SHISA6: variants seen among roughly 807,000 people sequenced by gnomAD.
The protein encoded by SHISA6 is shisa family member 6.
Under a neutral mutation model 47.9 loss-of-function variants are expected in SHISA6, and 22 were observed. The ratio of observed to expected loss-of-function variants is 0.46; its 90% confidence interval spans 0.33 to 0.66. SHISA6 has a LOEUF of 0.66. Among genes scored for constraint, SHISA6 ranks in the 30% least tolerant of loss-of-function variants. The pLI, the probability that SHISA6 is intolerant of heterozygous loss-of-function variation, is 0.02. For synonymous variants in SHISA6, 388 were observed against 337.8 expected (o/e 1.15, Z -1.63); for missense variants, 680 against 764.6 (o/e 0.89, Z 1.30).
intron 3 of SHISA6, among the ~76,000 whole-genome samples, chr17:11,385,293 A>G (rs1250058449): frequency 3.3e-5 from 5 of 152,128 alleles, no homozygotes; most frequent in Non-Finnish European, 7.4e-5. Flanking sequence ...TGCTTTGCCT[A>G]CCTGGCTTGT....
chr17:11,544,104 A>T (rs2071859822), intron 3 of SHISA6, among the ~76,000 whole-genome samples: 1 of 152,032 alleles, frequency 6.6e-6, no homozygotes, highest in African/African-American at 2.4e-5. Flanking sequence ...TAAAATATAA[A>T]ACTATAAAGC....
intron 2 of SHISA6, among the ~76,000 whole-genome samples, chr17:11,317,491 A>AATAT (rs34674733): frequency 6.6e-6 from 1 of 151,692 alleles, no homozygotes. Flanking sequence ...TTGTTTATAG[A>AATAT]ATATATATAC....
intron 3 of SHISA6, among the ~76,000 whole-genome samples, chr17:11,398,938 TC>T (rs918501100): frequency 8.1e-4 from 118 of 146,418 alleles, no homozygotes; most frequent in African/African-American, 3.0e-3. Flanking sequence ...TTTCACCTCT[TC>T]TATCTTCTAC....
At chr17:11,375,568 A>G (rs2142241354) in intron 2 of SHISA6, among the ~76,000 whole-genome samples, 1 of 151,684 alleles carries the variant, frequency 6.6e-6, no homozygotes, top group South Asian at 2.1e-4. Context: ...TCCTTTCCTT[A>G]CAGCAAATCT....
chr17:11,474,690 G>A (rs1321224612), intron 3 of SHISA6, among the ~76,000 whole-genome samples: 10 of 152,110 alleles, frequency 6.6e-5, no homozygotes, highest in Admixed American at 6.6e-4. Context: ...ATACCACACA[G>A]GCTTAATTTG....
intron 1 of SHISA6, among the ~76,000 whole-genome samples, chr17:11,251,750 A>G (rs1482377737): frequency 1.3e-5 from 2 of 151,992 alleles, no homozygotes; most frequent in African/African-American, 4.8e-5. Flanking sequence ...TGTGCTTCGT[A>G]ATGACTCACG....
intron 3 of SHISA6, among the ~76,000 whole-genome samples, chr17:11,410,961 TA>T (rs1914097199): frequency 1.3e-5 from 2 of 152,146 alleles, no homozygotes; most frequent in African/African-American, 4.8e-5. Context: ...CTATTTTTTT[TA>T]TTTTTTTATT....
intron 2 of SHISA6, among the ~76,000 whole-genome samples, chr17:11,277,935 G>A (rs893247113): frequency 1.3e-5 from 2 of 150,486 alleles, no homozygotes; most frequent in Non-Finnish European, 2.9e-5. Context: ...ATTAACTAAT[G>A]TGGTTTTTCT....
chr17:11,445,773 C>G (rs142271803), intron 3 of SHISA6, among the ~76,000 whole-genome samples: 1 of 152,124 alleles, frequency 6.6e-6, no homozygotes, highest in African/African-American at 2.4e-5. Context: ...GCCCGGGGGC[C>G]GGGAGCAAGG....
chr17:11,276,546 ATCTC>A (rs1224196586), intron 2 of SHISA6, among the ~76,000 whole-genome samples: 1 of 152,008 alleles, frequency 6.6e-6, no homozygotes. Flanking sequence ...GCTTCTCTTT[ATCTC>A]TCTGTCTTCC....
intron 2 of SHISA6, among the ~76,000 whole-genome samples, chr17:11,268,299 T>C (rs1368510908): frequency 1.3e-5 from 2 of 152,126 alleles, no homozygotes; most frequent in Admixed American, 1.3e-4. Flanking sequence ...CTAAGCTTCA[T>C]GGAGACCCAG....
rs765443777 is a variant in SHISA6, at chr17:11,294,992, C to T, written c.799+31466C>T. Among the ~76,000 whole-genome samples the T allele has an allele frequency of 6.6e-5, 10 of 152,272 alleles. No individual in the cohort carries two copies. In the South Asian group the frequency reaches 1.7e-3, roughly 25 times the overall value. On this transcript the variant is annotated intron_variant, in intron 2 of 5. Coordinates refer to ENST00000441885, the MANE Select transcript of SHISA6 (RefSeq NM_207386.4). ...TTCAAGCCCGCACACTAGGATAGCGCGGCAGTCGATCTGATAACCAAGACA... is the reference window on the plus strand; with the variant it reads ...TTCAAGCCCGCACACTAGGATAGCGTGGCAGTCGATCTGATAACCAAGACA...
intron 2 of SHISA6, among the ~76,000 whole-genome samples, chr17:11,279,808 AGAGAAAGAGG>A (rs1480037817): frequency 2.5e-4 from 29 of 115,650 alleles, no homozygotes; most frequent in East Asian, 1.6e-3. Flanking sequence ...AAAAAGAGAG[AGAGAAAGAGG>A]GAGAGAGAGA....
chr17:11,404,445 C>CT (rs1913881178), intron 3 of SHISA6, among the ~76,000 whole-genome samples: 1 of 152,174 alleles, frequency 6.6e-6, no homozygotes, highest in South Asian at 2.1e-4. Flanking sequence ...CCAGCTCCCT[C>CT]TTAATGGAGA....
chr17:11,407,157 T>C (rs1913989916), intron 3 of SHISA6, among the ~76,000 whole-genome samples: 2 of 152,094 alleles, frequency 1.3e-5, no homozygotes, highest in South Asian at 4.2e-4. Context: ...ATATATTAAC[T>C]CATTTATACA....
intron 3 of SHISA6, among the ~76,000 whole-genome samples, chr17:11,398,106 A>T (rs1005414501): frequency 6.6e-6 from 1 of 151,810 alleles, no homozygotes; most frequent in South Asian, 2.1e-4. Flanking sequence ...CTCCTGCTTC[A>T]TGGTTAGTTT....
At chr17:11,338,698 G>A (rs1911411922) in intron 2 of SHISA6, among the ~76,000 whole-genome samples, 1 of 152,054 alleles carries the variant, frequency 6.6e-6, no homozygotes, top group Non-Finnish European at 1.5e-5. Context: ...TTACAGGCGT[G>A]AGCCACTACA....
rs189258868 is a variant in SHISA6 at position 11,467,754 on chromosome 17, C to T, written c.896-84142C>T. On this transcript the variant is annotated intron_variant, in intron 3 of 5. Coordinates refer to ENST00000441885, the MANE Select transcript of SHISA6 (RefSeq NM_207386.4). ...GTAAAAGGAAAACAATATCCCTGTT[C>T]TGAGAGTTTAGCACAGCCAAACAGA... 2.0e-5 allele frequency among the ~76,000 whole-genome samples: 3 copies of T among 152,298 alleles called. No individual in the cohort carries two copies. The East Asian group carries it at 5.8e-4, about 29-fold the overall frequency.
chr17:11,554,039 A>G (rs2071953756), intron 4 of SHISA6, among the ~76,000 whole-genome samples: 1 of 152,190 alleles, frequency 6.6e-6, no homozygotes, highest in Non-Finnish European at 1.5e-5. Context: ...GTGGTGGAAC[A>G]AGAGTATCCA....
Sources: gnomAD v4.1 joint callset for allele counts (sites outside exome capture counted in the v4.1 genomes callset) on GRCh38, gnomAD v4.1.1 for gene constraint, MANE v1.5 for transcripts, NCBI Gene and HGNC (gene_info 2026-07-23, HGNC 2026-07-21) for gene names.